The following NUP210L variants were observed in gnomAD, a reference collection of about 807,000 sequenced individuals.
The protein encoded by NUP210L is nuclear pore membrane glycoprotein 210-like.
A neutral mutation model predicts 208.5 loss-of-function variants in NUP210L; 74 were observed. The observed-to-expected ratio is 0.35, with a 90% CI of 0.29 to 0.43. NUP210L has a LOEUF of 0.43. Ranked by LOEUF, NUP210L falls within the 20% of genes least tolerant of loss-of-function variation. The probability of loss-of-function intolerance (pLI) is 1.00; values close to 1 mark genes in which losing one functional copy is unlikely to be tolerated. For synonymous variants in NUP210L, 780 were observed against 816.9 expected (o/e 0.95, Z 0.77); for missense variants, 1,843 against 2,289.4 (o/e 0.81, Z 3.98).
intron 2 of NUP210L, among the ~76,000 whole-genome samples, chr1:154,150,338 C>G (rs1270572959): frequency 1.3e-5 from 2 of 152,054 alleles, no homozygotes; most frequent in East Asian, 3.9e-4. Flanking sequence ...CACGTCATTG[C>G]ACTTAAGTCT....
intron 27 of NUP210L, among the ~76,000 whole-genome samples, chr1:154,036,618 G>A (rs571556424): frequency 6.6e-6 from 1 of 152,018 alleles, no homozygotes; most frequent in African/African-American, 2.4e-5. Flanking sequence ...ACCCACCTTG[G>A]CCTCCCAAAG....
chr1:154,031,131 C>G (rs1652191571), intron 27 of NUP210L, among the ~76,000 whole-genome samples: 1 of 152,056 alleles, frequency 6.6e-6, no homozygotes. Flanking sequence ...TTCTGTTGAC[C>G]AGTTTGGAGT....
At chr1:154,086,080 C>T (rs1178665507) in intron 16 of NUP210L, among the ~76,000 whole-genome samples, 2 of 151,804 alleles carry the variant, frequency 1.3e-5, no homozygotes, top group East Asian at 3.9e-4. Context: ...GGCATGGTGG[C>T]GGGCACCTGT....
At chr1:154,043,473 C>A (rs902738611) in intron 27 of NUP210L, among the ~76,000 whole-genome samples, 14 of 152,070 alleles carry the variant, frequency 9.2e-5, no homozygotes, top group African/African-American at 2.9e-4. Flanking sequence ...CGCCACCACA[C>A]CCGGCTAATT....
At chr1:154,030,179 A>T in intron 27 of NUP210L, 125 bp from the exon 28 acceptor site, 1 of 555,722 alleles carries the variant, frequency 1.8e-6, no homozygotes, top group Non-Finnish European at 2.9e-6. Flanking sequence ...AAAGGGTGGG[A>T]GGGGGCGAGG....
chr1:154,126,229 G>A (rs1281966462), intron 10 of NUP210L, 94 bp downstream of exon 10: 2 of 1,002,010 alleles, frequency 2.0e-6, no homozygotes, highest in Admixed American at 2.4e-5. Flanking sequence ...GAAAGATAAA[G>A]GTGGTATATG....
intron 10 of NUP210L, among the ~76,000 whole-genome samples, chr1:154,119,603 C>G (rs1026872608): frequency 6.6e-6 from 1 of 151,932 alleles, no homozygotes; most frequent in African/African-American, 2.4e-5. Context: ...AACAAACAAA[C>G]AAACAAAAAA....
In NUP210L at chr1:154,040,754, AT is replaced by A. The variant is rs917813418; in HGVS notation, c.3696+5314del. The stretch of plus-strand genomic sequence containing the variant: ...GGCGCCCGCCACCATTCCCGGCTAA[AT>A]TTTTTTTTATTGTTTTTACTAGAGG... On this transcript the variant is annotated intron_variant, in intron 27 of 39. Transcript: ENST00000368559. Among the ~76,000 whole-genome samples, 350 of 151,042 alleles carry A rather than the reference AT, an allele frequency of 2.3e-3. 1 individual carries two copies. The highest frequency in any genetic ancestry group is 4.3e-3 in the African/African-American group (176 of 41,144).
At chr1:154,024,287 A>G (rs533366078) in intron 30 of NUP210L, among the ~76,000 whole-genome samples, 96 of 152,350 alleles carry the variant, frequency 6.3e-4, no homozygotes, top group African/African-American at 2.2e-3. Flanking sequence ...TTTGAATCAT[A>G]GCTTTATCAT....
In NUP210L at chr1:154,010,637, G is replaced by A. The variant is rs1490023660; in HGVS notation, c.4781-516C>T. Among the ~76,000 whole-genome samples, 5 of 152,114 alleles carry A rather than the reference G, an allele frequency of 3.3e-5. No homozygotes were observed. The East Asian group carries it at 5.8e-4, about 18-fold the overall frequency. ...TGTAATCCCAGCACTTTGGGAGGCC[G>A]AGGCAGGCGGATCACCTGAGGTTGG... is the stretch of plus-strand genomic sequence containing the variant. On this transcript the variant is annotated intron_variant, in intron 34 of 39. Transcript: ENST00000368559.
intron 25 of NUP210L, among the ~76,000 whole-genome samples, chr1:154,047,292 T>G (rs1014379703): frequency 6.6e-6 from 1 of 152,108 alleles, no homozygotes; most frequent in Admixed American, 6.5e-5. Context: ...ATGCTTGAGG[T>G]GGTGGATACC....
intron 27 of NUP210L, among the ~76,000 whole-genome samples, chr1:154,034,453 C>T (rs777567589): frequency 1.5e-4 from 23 of 151,922 alleles, no homozygotes; most frequent in Admixed American, 5.3e-4. Flanking sequence ...TTCAGCCTCC[C>T]GAGTAGCTGG....
At chr1:154,119,761 T>C (rs1657515644) in intron 10 of NUP210L, among the ~76,000 whole-genome samples, 1 of 152,204 alleles carries the variant, frequency 6.6e-6, no homozygotes. Context: ...CCATGGTGTA[T>C]ATGTGCCACA....
intron 15 of NUP210L, 69 bp from the exon 16 acceptor site, chr1:154,089,663 T>A (rs1488209314): frequency 8.6e-6 from 11 of 1,284,838 alleles, no homozygotes; most frequent in Non-Finnish European, 1.2e-5. Context: ...CCAATATAAA[T>A]GTGTTAGAAT....
At chr1:154,104,037 T>C in exon 13 of NUP210L, 1 of 1,613,946 alleles carries the variant, frequency 6.2e-7, no homozygotes, top group Non-Finnish European at 8.5e-7. Flanking sequence ...TAAAGACTCC[T>C]TGTTTATCCA....
chr1:154,143,792 T>C (rs1367011944), intron 2 of NUP210L, among the ~76,000 whole-genome samples: 1 of 152,218 alleles, frequency 6.6e-6, no homozygotes. Flanking sequence ...TGATCTATGA[T>C]GTTTCTACTC....
At chr1:154,106,249 A>G (rs753696342) in intron 12 of NUP210L, among the ~76,000 whole-genome samples, 4 of 152,120 alleles carry the variant, frequency 2.6e-5, no homozygotes, top group Admixed American at 6.6e-5. Context: ...TGACAGAGTA[A>G]GACTCCATTC....
chr1:154,131,169 G>T (rs866147206), intron 7 of NUP210L, among the ~76,000 whole-genome samples: 4 of 151,826 alleles, frequency 2.6e-5, no homozygotes, highest in African/African-American at 9.6e-5. Context: ...CTACTTGGGA[G>T]GCTGAGGCAG....
chr1:154,065,892 C>CAAAAAAAAAAA (rs58053478), intron 17 of NUP210L, among the ~76,000 whole-genome samples: 3 of 61,112 alleles, frequency 4.9e-5, no homozygotes, highest in Non-Finnish European at 8.8e-5. Flanking sequence ...GACTCTGTCT[C>CAAAAAAAAAAA]AAAAAAAAAA....
Sources: allele counts gnomAD v4.1 joint callset (sites outside exome capture counted in the v4.1 genomes callset), GRCh38; gene constraint gnomAD v4.1.1; transcripts MANE v1.5; gene names NCBI Gene and HGNC (gene_info 2026-07-23, HGNC 2026-07-21).